MTOR: variants seen among roughly 807,000 people sequenced by gnomAD.
The protein encoded by MTOR is serine/threonine-protein kinase mTOR.
A neutral mutation model predicts 319.8 loss-of-function variants in MTOR; 70 were observed. The observed-to-expected ratio is 0.22, with a 90% confidence interval of 0.18 to 0.27. The LOEUF (loss-of-function observed/expected upper bound fraction) is 0.27, where lower values mean the gene tolerates loss of function less well. Among genes scored for constraint, MTOR ranks in the 10% least tolerant of loss-of-function variants. The pLI is 1.00. For missense variants in MTOR, 1,890 were observed against 3,274.4 expected, an observed-to-expected ratio of 0.58 and a Z score of 10.32; for synonymous variants, 1,183 against 1,211.4, an observed-to-expected ratio of 0.98 and a Z score of 0.49.
chr1:11,225,886 C>T (rs965446492), intron 19 of MTOR, among the ~76,000 whole-genome samples: 21 of 152,038 alleles, frequency 1.4e-4, no homozygotes, highest in African/African-American at 4.6e-4. Context: ...ACAAAATGAA[C>T]AGCTTCCTAA....
In MTOR at chr1:11,107,249, A is replaced by G; in HGVS notation, c.*236T>C. The G allele has an allele frequency of 7.0e-7, 1 of 1,429,460 alleles. No individual in the cohort carries two copies. Among genetic ancestry groups the G allele is most frequent in the Non-Finnish European group, 9.2e-7 (1 of 1,086,078 alleles). The allele number at this position is 1,429,460 out of a possible 1,614,324, so 88.5% of individuals were successfully genotyped here. On this transcript the variant is annotated 3_prime_UTR_variant, in exon 58 of 58. Coordinates refer to ENST00000361445, the MANE Select transcript of MTOR (RefSeq NM_004958.4). ...TGAATGGCTTGATTTACGTGGTATT[A>G]CTATGTTTCACTGTCCTGGGAACCA...
chr1:11,239,021 G>A (rs1040964798), intron 11 of MTOR, among the ~76,000 whole-genome samples: 7 of 150,912 alleles, frequency 4.6e-5, no homozygotes, highest in East Asian at 3.9e-4. Flanking sequence ...TGATCCGCCC[G>A]CCTCGGCCTC....
At chr1:11,189,219 A>G (rs1645423323) in intron 28 of MTOR, 1 of 199,278 alleles carries the variant, frequency 5.0e-6, no homozygotes, top group Non-Finnish European at 1.0e-5. Context: ...CTCTGGCCTA[A>G]GTTGCCGCTG....
At chr1:11,144,460 T>C in intron 34 of MTOR, 188 bp downstream of exon 34, 2 of 540,842 alleles carry the variant, frequency 3.7e-6, no homozygotes, top group Non-Finnish European at 6.6e-6. Context: ...AAATTGGTCA[T>C]TCTCTCACAG....
intron 28 of MTOR, among the ~76,000 whole-genome samples, chr1:11,198,041 T>C (rs940122070): frequency 6.6e-6 from 1 of 152,204 alleles, no homozygotes; most frequent in East Asian, 1.9e-4. Flanking sequence ...AAGGGTGGAA[T>C]TGGGAAGGTT....
chr1:11,252,334 C>T (rs1475490709), intron 6 of MTOR, among the ~76,000 whole-genome samples: 1 of 151,080 alleles, frequency 6.6e-6, no homozygotes, highest in Non-Finnish European at 1.5e-5. Context: ...ACGGTCTCAC[C>T]GTCTTTTGCC....
At position 11,220,811 on chromosome 1, in the gene MTOR, A is replaced by G. The variant is rs562224679; in HGVS notation, c.3031-4577T>C. 5.9e-5 allele frequency among the ~76,000 whole-genome samples: 9 copies of G among 152,306 alleles called. No homozygotes were observed. In the South Asian group the frequency reaches 8.3e-4, roughly 14 times the overall value. ...GAAATATAACCTAGAGAGCTGTAAG[A>G]TAAGAAATCTGTGTTAAGCCACTAA... is the stretch of plus-strand genomic sequence containing the variant. On this transcript the variant is annotated intron_variant, in intron 19 of 57. Coordinates refer to ENST00000361445, the MANE Select transcript of MTOR (RefSeq NM_004958.4).
intron 19 of MTOR, among the ~76,000 whole-genome samples, chr1:11,217,444 T>C (rs937194683): frequency 6.6e-6 from 1 of 150,932 alleles, no homozygotes; most frequent in South Asian, 2.1e-4. Context: ...CAGGCTGGAG[T>C]ACAGTGGCAT....
intron 5 of MTOR, among the ~76,000 whole-genome samples, chr1:11,255,675 A>C (rs1282818004): frequency 6.6e-6 from 1 of 150,962 alleles, no homozygotes; most frequent in African/African-American, 2.4e-5. Context: ...ACATGGCAAA[A>C]CCCTGTCTCT....
At chr1:11,253,551 C>T (rs557464101) in intron 6 of MTOR, among the ~76,000 whole-genome samples, 19 of 152,220 alleles carry the variant, frequency 1.2e-4, no homozygotes, top group African/African-American at 2.6e-4. Flanking sequence ...CACAGTCCCC[C>T]GGCCTGCTGC....
intron 19 of MTOR, among the ~76,000 whole-genome samples, chr1:11,224,199 C>T (rs1646756950): frequency 6.6e-6 from 1 of 151,872 alleles, no homozygotes. Flanking sequence ...ATTTACAAGA[C>T]AGCATCCAAA....
chr1:11,145,314 G>C (rs564031592), intron 32 of MTOR: 1 of 467,776 alleles, frequency 2.1e-6, no homozygotes, highest in African/African-American at 1.9e-5. Flanking sequence ...AAGGGCATGG[G>C]AATGTGGGCT....
chr1:11,121,874 A>G lies in MTOR; in HGVS notation c.6810+105T>C. ...ACCTTCTTCAAAGCTGATTCTCTCA[A>G]AGAGATTTTTCAGTGACAGACATAC... On this transcript the variant is annotated intron_variant, in intron 48 of 57. Coordinates refer to ENST00000361445, the MANE Select transcript of MTOR (RefSeq NM_004958.4). This position sits in a 1 kb window ranked among gnomAD's most constrained non-coding sequence, Gnocchi z 4.9. The G allele has an allele frequency of 1.4e-6, 2 of 1,444,452 alleles. No individual in the cohort carries two copies. Among genetic ancestry groups the G allele is most frequent in the Non-Finnish European group, 1.9e-6 (2 of 1,069,228 alleles). 89.5% of individuals were successfully genotyped at this position (1,444,452 alleles called of 1,614,324 possible).
rs1641755540 is a variant in MTOR at position 11,109,651 on chromosome 1, A to C, written c.7445T>G (p.Phe2482Cys). The change falls in exon 55 of 58, where the codon TTC (phenylalanine) becomes TGC (cysteine). Residue 2482 changes from phenylalanine (F) to cysteine (C), a missense_variant and splice_region_variant. Coordinates refer to ENST00000361445, the MANE Select transcript of MTOR (RefSeq NM_004958.4). The surrounding 1 kb of genome is among the most constrained non-coding windows in gnomAD (Gnocchi z 4.0). ...GTTVPESIHS[F>C]IGDGLVKPEA... ...GGTTCCTCAGAGGCTGAACTTACTG[A>C]AAGAATGAATAGATTCTGGCACTGT... 1.2e-6 allele frequency: 2 copies of C among 1,613,926 alleles called. No individual in the cohort carries two copies. Among genetic ancestry groups the C allele is most frequent in the African/African-American group, 2.7e-5 (2 of 74,920 alleles).
chr1:11,140,955 T>G (rs1257013737), intron 34 of MTOR, among the ~76,000 whole-genome samples: 1 of 140,472 alleles, frequency 7.1e-6, no homozygotes, highest in Non-Finnish European at 1.5e-5. Context: ...CTGAAGTTAT[T>G]AAAGCCTAAA....
intron 6 of MTOR, among the ~76,000 whole-genome samples, chr1:11,252,827 C>T (rs1005886042): frequency 3.3e-5 from 5 of 152,148 alleles, no homozygotes; most frequent in Admixed American, 6.6e-5. Flanking sequence ...GTATCTGTGC[C>T]ACCACTCCTA....
intron 19 of MTOR, among the ~76,000 whole-genome samples, chr1:11,223,842 C>T (rs1482566906): frequency 6.6e-6 from 1 of 151,874 alleles, no homozygotes; most frequent in Non-Finnish European, 1.5e-5. Context: ...GAGTTTGAGA[C>T]CAGCCTGGCC....
chr1:11,229,078 C>A (rs1374316124), intron 18 of MTOR, among the ~76,000 whole-genome samples, 160 bp from the exon 19 acceptor site: 3 of 152,150 alleles, frequency 2.0e-5, no homozygotes, highest in Non-Finnish European at 4.4e-5. Context: ...CTATTAGGAA[C>A]CAATGAATAG....
Position 11,126,673 on chromosome 1 carries a change from A to T in MTOR, c.6475T>A (p.Ser2159Thr), listed in dbSNP as rs373553027. Reference protein sequence around the residue: ...PIIRIQSIAPSLQVITSKQRP... With the variant: ...PIIRIQSIAPTLQVITSKQRP... ...TGCTTGGATGTGATGACTTGCAAAG[A>T]CGGTGCTATGGACTGAATGCGAATG... Residue 2159 changes from serine (S) to threonine (T), a missense_variant, in exon 46 of 58, where the codon TCT becomes ACT. Around this residue, in one of 15 missense-constraint regions of MTOR, gnomAD observed 249 missense variants for 596.2 expected, o/e 0.42. Coordinates refer to ENST00000361445, the MANE Select transcript of MTOR (RefSeq NM_004958.4). The T allele has an allele frequency of 6.2e-7, 1 of 1,613,890 alleles. No individual in the cohort carries two copies. The highest frequency in any genetic ancestry group is 8.5e-7 in the Non-Finnish European group (1 of 1,180,028).
Sources: gnomAD v4.1 joint callset for allele counts (sites outside exome capture counted in the v4.1 genomes callset) on GRCh38, gnomAD v4.1.1 for gene constraint, gnomAD v4.1.1 regional missense constraint, Gnocchi (gnomAD v3.1) non-coding constraint, MANE v1.5 for transcripts, NCBI Gene and HGNC (gene_info 2026-07-23, HGNC 2026-07-21) for gene names.